IPMK: variants seen among roughly 807,000 people sequenced by gnomAD.
The protein encoded by IPMK is inositol polyphosphate multikinase.
In IPMK, 17 loss-of-function variants were observed where a neutral mutation model predicts 45.8. That is an observed-to-expected ratio of 0.37 (90% CI 0.25 to 0.56). The LOEUF (loss-of-function observed/expected upper bound fraction) is 0.56, where lower values mean the gene tolerates loss of function less well. Among genes scored for constraint, IPMK ranks in the 20% least tolerant of loss-of-function variants. IPMK has a pLI of 0.79. For missense variants in IPMK, 399 were observed against 498.0 expected (o/e 0.80, Z 1.89); for synonymous variants, 180 against 184.3 (o/e 0.98, Z 0.19).
intron 2 of IPMK, among the ~76,000 whole-genome samples, chr10:58,235,204 T>G (rs1264628086): frequency 6.6e-6 from 1 of 152,132 alleles, no homozygotes; most frequent in Non-Finnish European, 1.5e-5. Context: ...TAGGAACACT[T>G]TTACACTGTT....
intron 4 of IPMK, among the ~76,000 whole-genome samples, chr10:58,203,719 T>C (rs979624797): frequency 6.6e-6 from 1 of 152,232 alleles, no homozygotes; most frequent in African/African-American, 2.4e-5. Flanking sequence ...ATGAACAATT[T>C]AGAATATTAC....
rs1432516259 is a variant in IPMK at position 58,199,134 on chromosome 10, G to T, written c.628+106C>A. On this transcript the variant is annotated intron_variant, in intron 5 of 5. Transcript: ENST00000373935. Reference sequence around the variant, plus strand: ...TAAGTTTCATTATTATTTAAAAAATGTTTATTATGAATCAAATCACTTTTC... The same window carrying T: ...TAAGTTTCATTATTATTTAAAAAATTTTTATTATGAATCAAATCACTTTTC... 6 of 633,122 alleles carry T rather than the reference G, an allele frequency of 9.5e-6. No individual in the cohort carries two copies. The Admixed American group carries it at 1.3e-4, about 14-fold the overall frequency. 39.2% of individuals were successfully genotyped at this position (633,122 alleles called of 1,614,324 possible). A position where few individuals can be genotyped will look rare whatever the true frequency, so the allele number is the denominator to read the frequency against.
chr10:58,210,565 A>G (rs926084283), intron 4 of IPMK, among the ~76,000 whole-genome samples: 1 of 152,110 alleles, frequency 6.6e-6, no homozygotes, highest in African/African-American at 2.4e-5. Context: ...CTTCCCTGAG[A>G]TCCCATGTGA....
intron 4 of IPMK, among the ~76,000 whole-genome samples, chr10:58,202,690 A>G (rs975416718): frequency 2.0e-5 from 3 of 151,866 alleles, no homozygotes; most frequent in African/African-American, 7.3e-5. Context: ...TGCTGAATCT[A>G]CTCTGCCTGG....
At chr10:58,198,321 T>A (rs1165276137) in intron 5 of IPMK, among the ~76,000 whole-genome samples, 1 of 152,210 alleles carries the variant, frequency 6.6e-6, no homozygotes. Context: ...TTAGGCCTTT[T>A]TAAAAACTAT....
chr10:58,196,761 A>T, intron 5 of IPMK, 63 bp from the exon 6 acceptor site: 1 of 1,115,868 alleles, frequency 9.0e-7, no homozygotes, highest in East Asian at 2.4e-5. Flanking sequence ...TTGGGAAGTA[A>T]ACTCATCACA....
At chr10:58,252,540 T>C (rs2590341) in intron 1 of IPMK, among the ~76,000 whole-genome samples, 3,702 of 151,850 alleles carry the variant, frequency 0.024, 67 homozygotes, top group South Asian at 0.05. Flanking sequence ...TACAGATTAT[T>C]TCATCACACA....
chr10:58,242,459 CAAA>C (rs1377487096), intron 1 of IPMK, among the ~76,000 whole-genome samples: 3 of 45,076 alleles, frequency 6.7e-5, no homozygotes, highest in Admixed American at 2.2e-4. Context: ...GACTCCGTCT[CAAA>C]AAAAAAAAAA....
intron 1 of IPMK, 58 bp from the exon 2 acceptor site, chr10:58,237,872 T>C (rs1285232040): frequency 1.6e-6 from 2 of 1,236,272 alleles, no homozygotes; most frequent in Admixed American, 1.7e-5. Context: ...CCTTGCTTCA[T>C]TAAATAGATT....
intron 3 of IPMK, among the ~76,000 whole-genome samples, chr10:58,219,484 G>A (rs2790244): frequency 6.6e-6 from 1 of 151,942 alleles, no homozygotes; most frequent in African/African-American, 2.4e-5. Flanking sequence ...TCTTTCCCTA[G>A]AAGAGAGTTT....
chr10:58,249,940 C>T (rs1182797256), intron 1 of IPMK, among the ~76,000 whole-genome samples: 1 of 152,188 alleles, frequency 6.6e-6, no homozygotes, highest in Non-Finnish European at 1.5e-5. Context: ...ATTGAAGACA[C>T]CATCCCTTCC....
At chr10:58,222,756 T>C (rs923417177) in intron 3 of IPMK, among the ~76,000 whole-genome samples, 1 of 152,228 alleles carries the variant, frequency 6.6e-6, no homozygotes, top group Non-Finnish European at 1.5e-5. Context: ...TTCAGAAATA[T>C]AACACTTCCT....
At chr10:58,207,733 T>G (rs1305309118) in intron 4 of IPMK, among the ~76,000 whole-genome samples, 1 of 152,160 alleles carries the variant, frequency 6.6e-6, no homozygotes, top group African/African-American at 2.4e-5. Context: ...TGCATATATA[T>G]TTAGGATTGT....
chr10:58,201,206 C>T (rs1837993002), intron 4 of IPMK, among the ~76,000 whole-genome samples: 1 of 152,054 alleles, frequency 6.6e-6, no homozygotes, highest in African/African-American at 2.4e-5. Context: ...GACTACTCAG[C>T]TGTACAGGTA....
chr10:58,248,669 C>T (rs1838839151), intron 1 of IPMK, among the ~76,000 whole-genome samples: 1 of 152,208 alleles, frequency 6.6e-6, no homozygotes, highest in Middle Eastern at 3.4e-3. Flanking sequence ...TTTTTGCACC[C>T]GTTAAACAAC....
intron 2 of IPMK, among the ~76,000 whole-genome samples, chr10:58,233,933 C>T (rs567072032): frequency 6.6e-6 from 1 of 152,140 alleles, no homozygotes; most frequent in Non-Finnish European, 1.5e-5. Flanking sequence ...CGTCTCAGCC[C>T]AAAATCTTAA....
rs185177804 is a variant in IPMK at position 58,192,919 on chromosome 10, G to A, written c.*3157C>T. The A allele has an allele frequency of 1.3e-5, 2 of 151,946 alleles. No individual in the cohort carries two copies. Among genetic ancestry groups the A allele is most frequent in the East Asian group, 3.9e-4 (2 of 5,184 alleles). The allele number at this position is 151,946 out of a possible 1,614,324, so 9.4% of individuals were successfully genotyped here. On this transcript the variant is annotated 3_prime_UTR_variant, in exon 6 of 6. Coordinates refer to ENST00000373935, the MANE Select transcript of IPMK (RefSeq NM_152230.5). ...AAGACTAAAGGCACTGGAGAAAGAA[G>A]GTAAGCATTATAAACAATTTTTAAA...
At chr10:58,239,004 C>T (rs1261674730) in intron 1 of IPMK, among the ~76,000 whole-genome samples, 1 of 151,970 alleles carries the variant, frequency 6.6e-6, no homozygotes, top group Non-Finnish European at 1.5e-5. Flanking sequence ...AGAAAATTAG[C>T]TGGGCATGGT....
chr10:58,197,326 A>AATAAATAAATACATACATAAATAC (rs764500371), intron 5 of IPMK, among the ~76,000 whole-genome samples: 19 of 146,430 alleles, frequency 1.3e-4, no homozygotes, highest in African/African-American at 5.0e-4. Context: ...TAAATAAATA[A>AATAAATAAATACATACATAAATAC]ATACATAAAT....
Sources: allele counts gnomAD v4.1 joint callset (sites outside exome capture counted in the v4.1 genomes callset), GRCh38; gene constraint gnomAD v4.1.1; transcripts MANE v1.5; gene names NCBI Gene and HGNC (gene_info 2026-07-23, HGNC 2026-07-21).